ZNF469: variants seen among roughly 807,000 people sequenced by gnomAD.
The protein encoded by ZNF469 is zinc finger protein 469.
Under a neutral mutation model 1.0 loss-of-function variants are expected in ZNF469, and 1 was observed. That is an observed-to-expected ratio of 1.00 (90% CI 0.35 to 4.73). The LOEUF is 4.73. Among genes scored for constraint, ZNF469 ranks in the 30% most tolerant of loss-of-function variants. ZNF469 has a pLI of 0.16. For synonymous variants in ZNF469, 2,703 were observed against 2,363.4 expected (o/e 1.14, Z -4.17); for missense variants, 6,100 against 5,356.3 (o/e 1.14, Z -4.33).
At chr16:88,337,245 G>A in the ZNF469 span, among the ~76,000 whole-genome samples, 1 of 152,166 alleles carries the variant, frequency 6.6e-6, no homozygotes, top group Non-Finnish European at 1.5e-5. Context: ...GGAGGTAACT[G>A]AATCATGGGG....
the ZNF469 span, among the ~76,000 whole-genome samples, chr16:88,162,340 A>G: frequency 6.8e-6 from 1 of 146,212 alleles, no homozygotes; most frequent in South Asian, 2.2e-4. Flanking sequence ...AAAATAAAAG[A>G]AATAATGAAA....
chr16:88,142,607 T>C, the ZNF469 span, among the ~76,000 whole-genome samples: 2 of 152,338 alleles, frequency 1.3e-5, no homozygotes, highest in Middle Eastern at 3.4e-3. Flanking sequence ...TTCTGTTTAC[T>C]GAGCACACGT....
At chr16:88,350,152 A>C in the ZNF469 span, among the ~76,000 whole-genome samples, 1 of 152,154 alleles carries the variant, frequency 6.6e-6, no homozygotes, top group African/African-American at 2.4e-5. Context: ...TTAGTAACCG[A>C]AGGTCAAACA....
chr16:88,223,613 A>G, the ZNF469 span, among the ~76,000 whole-genome samples: 5 of 152,154 alleles, frequency 3.3e-5, no homozygotes, highest in African/African-American at 9.7e-5. Flanking sequence ...GTGCTTGGGA[A>G]TGATGCCTCG....
At chr16:88,148,926 C>G in the ZNF469 span, among the ~76,000 whole-genome samples, 1 of 152,194 alleles carries the variant, frequency 6.6e-6, no homozygotes, top group Non-Finnish European at 1.5e-5. Flanking sequence ...GTGCCTGGCA[C>G]GTGGCAGGTG....
the ZNF469 span, among the ~76,000 whole-genome samples, chr16:88,284,253 T>C: frequency 1.8e-4 from 27 of 152,216 alleles, no homozygotes; most frequent in Admixed American, 1.8e-3. Flanking sequence ...AGCAATTATC[T>C]CTTGGCTCAG....
chr16:88,297,529 C>G, the ZNF469 span, among the ~76,000 whole-genome samples: 1 of 152,218 alleles, frequency 6.6e-6, no homozygotes, highest in Non-Finnish European at 1.5e-5. Flanking sequence ...CCACGGCACA[C>G]GGCAAGTGGG....
At chr16:88,105,751 G>T in the ZNF469 span, among the ~76,000 whole-genome samples, 1 of 152,194 alleles carries the variant, frequency 6.6e-6, no homozygotes, top group Non-Finnish European at 1.5e-5. Flanking sequence ...GTGGGAGCTC[G>T]GTAGTTGATT....
At chr16:88,185,216 C>A in the ZNF469 span, among the ~76,000 whole-genome samples, 1 of 124,074 alleles carries the variant, frequency 8.1e-6, no homozygotes, top group African/African-American at 3.1e-5. Context: ...CACGCATAGA[C>A]ACTCACATTC....
chr16:88,355,653 C>T, the ZNF469 span, among the ~76,000 whole-genome samples: 2 of 152,310 alleles, frequency 1.3e-5, no homozygotes, highest in African/African-American at 4.8e-5. Context: ...CAGGTGTTTC[C>T]AGGACCCGCA....
chr16:88,312,983 T>C, the ZNF469 span, among the ~76,000 whole-genome samples: 1 of 152,220 alleles, frequency 6.6e-6, no homozygotes, highest in Non-Finnish European at 1.5e-5. Context: ...ATTGTTGGTA[T>C]AGGAAAAAGG....
At chr16:88,171,895 G>A in the ZNF469 span, among the ~76,000 whole-genome samples, 4 of 152,148 alleles carry the variant, frequency 2.6e-5, no homozygotes, top group African/African-American at 4.8e-5. Flanking sequence ...TGACTAATAC[G>A]GGGTAACAGG....
chr16:88,114,214 G>T, the ZNF469 span, among the ~76,000 whole-genome samples: 7 of 144,742 alleles, frequency 4.8e-5, no homozygotes, highest in African/African-American at 1.6e-4. Flanking sequence ...TCACTGCGGG[G>T]GTCTCCGGGG....
the ZNF469 span, among the ~76,000 whole-genome samples, chr16:88,355,454 C>G: frequency 6.6e-6 from 1 of 152,266 alleles, no homozygotes; most frequent in Non-Finnish European, 1.5e-5. Flanking sequence ...CCGCTGGACC[C>G]TTACCTGGCC....
chr16:88,225,306 C>T, the ZNF469 span, among the ~76,000 whole-genome samples: 3 of 152,238 alleles, frequency 2.0e-5, no homozygotes, highest in Admixed American at 1.3e-4. Flanking sequence ...CTGGCTGAAT[C>T]CCTGCATTGA....
At chr16:88,101,088 G>A in the ZNF469 span, 2,181 of 175,422 alleles carry the variant, frequency 0.012, 48 homozygotes, top group African/African-American at 0.049. Flanking sequence ...AGTGTGTGGC[G>A]TCTGGGGTGG....
chr16:88,152,941 C>T, the ZNF469 span, among the ~76,000 whole-genome samples: 1 of 152,202 alleles, frequency 6.6e-6, no homozygotes, highest in Admixed American at 6.5e-5. The surrounding 1 kb of genome is among the most constrained non-coding windows in gnomAD (Gnocchi z 4.2). Context: ...GCCGTCTCCT[C>T]CACCTCACTG....
At chr16:88,373,273 G>A in the ZNF469 span, among the ~76,000 whole-genome samples, 3 of 152,216 alleles carry the variant, frequency 2.0e-5, no homozygotes, top group South Asian at 6.2e-4. Context: ...CTGTGCCAGG[G>A]ATGTCCAGCT....
the ZNF469 span, among the ~76,000 whole-genome samples, chr16:88,101,429 T>G: frequency 6.6e-6 from 1 of 152,274 alleles, no homozygotes; most frequent in South Asian, 2.1e-4. Flanking sequence ...CTTTGTCTTC[T>G]CTCCTTTTTG....
Sources: allele counts gnomAD v4.1 joint callset (sites outside exome capture counted in the v4.1 genomes callset), GRCh38; gene constraint gnomAD v4.1.1; non-coding constraint Gnocchi (gnomAD v3.1); transcripts MANE v1.5; gene names NCBI Gene and HGNC (gene_info 2026-07-23, HGNC 2026-07-21).